FBN1: variants seen among roughly 807,000 people sequenced by gnomAD.
The protein encoded by FBN1 is fibrillin 1.
Under a neutral mutation model 365.1 loss-of-function variants are expected in FBN1, and 29 were observed. That is an observed-to-expected ratio of 0.08 (90% CI 0.06 to 0.11). The LOEUF (loss-of-function observed/expected upper bound fraction) is 0.11. FBN1 is among the 10% of genes least tolerant of loss of function. FBN1 has a pLI of 1.00. For missense variants in FBN1, 2,476 were observed against 3,703.2 expected (o/e 0.67, Z 8.60); for synonymous variants, 1,210 against 1,270.5 (o/e 0.95, Z 1.01).
intron 2 of FBN1, among the ~76,000 whole-genome samples, chr15:48,628,789 T>C (rs773157125): frequency 3.3e-5 from 5 of 152,206 alleles, no homozygotes; most frequent in Admixed American, 1.3e-4. Flanking sequence ...ATCCCCATTC[T>C]GCCACCCTAA....
intron 6 of FBN1, among the ~76,000 whole-genome samples, chr15:48,563,752 C>T (rs890893741): frequency 2.0e-5 from 3 of 152,170 alleles, no homozygotes; most frequent in African/African-American, 4.8e-5. Context: ...TAGAGCTCCA[C>T]GTGTGTGCAC....
At chr15:48,466,212 T>C (rs945718181) in intron 38 of FBN1, among the ~76,000 whole-genome samples, 5 of 152,370 alleles carry the variant, frequency 3.3e-5, no homozygotes, top group African/African-American at 1.2e-4. Context: ...TTTTATGTTC[T>C]GTTCAGCCTA....
intron 6 of FBN1, among the ~76,000 whole-genome samples, chr15:48,553,817 G>A (rs190203723): frequency 2.0e-5 from 3 of 152,184 alleles, no homozygotes; most frequent in Non-Finnish European, 4.4e-5. Context: ...TGCTTCAGTC[G>A]TTTATGTATA....
chr15:48,416,255 A>G (rs2042902883), intron 63 of FBN1, among the ~76,000 whole-genome samples: 1 of 152,202 alleles, frequency 6.6e-6, no homozygotes, highest in African/African-American at 2.4e-5. Flanking sequence ...ATTTTCCCGC[A>G]GGCTGCTTTC....
intron 5 of FBN1, among the ~76,000 whole-genome samples, chr15:48,598,053 G>C (rs1471918685): frequency 6.6e-6 from 1 of 152,184 alleles, no homozygotes; most frequent in Non-Finnish European, 1.5e-5. Flanking sequence ...GTTAGGACTT[G>C]TCTTCCTGCT....
chr15:48,432,360 C>T (rs1273957609), intron 55 of FBN1, among the ~76,000 whole-genome samples: 1 of 152,132 alleles, frequency 6.6e-6, no homozygotes, highest in African/African-American at 2.4e-5. Flanking sequence ...GAGCCTAGTT[C>T]AGTGCTTAGG....
In FBN1 at chr15:48,463,879, T is replaced by C; in HGVS notation, c.5065+20A>G. 1.3e-6 allele frequency: 2 copies of C among 1,598,856 alleles called. No homozygotes were observed. Among genetic ancestry groups the C allele is most frequent in the Non-Finnish European group, 1.7e-6 (2 of 1,171,658 alleles). ...TAGATGAGAACCAAACATGCATTAC[T>C]GAGAAAAGCTTGGACTTACCCATGC... is the stretch of plus-strand genomic sequence containing the variant. On this transcript the variant is annotated intron_variant, in intron 41 of 65. Transcript: ENST00000316623.
At chr15:48,528,839 C>T (rs2043940811) in intron 8 of FBN1, 1 of 152,122 alleles carries the variant, frequency 6.6e-6, no homozygotes, top group South Asian at 2.1e-4. Flanking sequence ...TTCCCCTTTC[C>T]TAAACCACCT....
At chr15:48,574,475 G>A (rs1311072225) in intron 6 of FBN1, among the ~76,000 whole-genome samples, 4 of 151,974 alleles carry the variant, frequency 2.6e-5, no homozygotes. Flanking sequence ...GGTGGCTCTG[G>A]CAAAGGAGTC....
chr15:48,439,255 C>T (rs984613211), intron 50 of FBN1, among the ~76,000 whole-genome samples: 2 of 152,222 alleles, frequency 1.3e-5, no homozygotes, highest in African/African-American at 4.8e-5. Context: ...CCTTTCATGG[C>T]TACCAACTCA....
At chr15:48,626,943 A>G (rs1889895599) in intron 2 of FBN1, among the ~76,000 whole-genome samples, 1 of 152,298 alleles carries the variant, frequency 6.6e-6, no homozygotes, top group African/African-American at 2.4e-5. Context: ...AAGAAAATGT[A>G]TTGGTGTGCT....
intron 6 of FBN1, among the ~76,000 whole-genome samples, chr15:48,542,568 C>T (rs1309887212): frequency 4.6e-5 from 7 of 152,170 alleles, no homozygotes; most frequent in Admixed American, 4.6e-4. Context: ...AGCCTCCTAA[C>T]TGCTGTTACT....
Position 48,503,908 on chromosome 15 carries a change from T to C in FBN1, c.1992A>G (p.Gly664=). Residue 664 remains glycine, a synonymous_variant, in exon 17 of 66, where the codon GGA becomes GGG. Transcript: ENST00000316623. ...DTHMRSTCYG[G]YKRGQCIKPL... ...GTTTGATACACTGGCCTCTCTTGTA[T>C]CCACCATAGCATGTGCTCCGCATGT... The C allele has an allele frequency of 1.2e-6, 2 of 1,614,206 alleles. No individual in the cohort carries two copies. The highest frequency in any genetic ancestry group is 1.7e-4 in the Middle Eastern group (1 of 6,044).
chr15:48,422,708 C>T (rs1346042549), intron 60 of FBN1, among the ~76,000 whole-genome samples: 1 of 152,206 alleles, frequency 6.6e-6, no homozygotes, highest in Non-Finnish European at 1.5e-5. Context: ...CCTGTATTCC[C>T]AGCACTTTGG....
At chr15:48,549,186 A>G (rs1302107216) in intron 6 of FBN1, among the ~76,000 whole-genome samples, 6 of 152,214 alleles carry the variant, frequency 3.9e-5, no homozygotes, top group East Asian at 1.9e-4. Context: ...GAAGACCACA[A>G]TTGGGACTTG....
At position 48,432,837 on chromosome 15, in the gene FBN1, C is replaced by T. The variant is rs764426606; in HGVS notation, c.6739+29G>A. 6 of 1,612,808 alleles carry T rather than the reference C, an allele frequency of 3.7e-6. No homozygotes were observed. In the African/African-American group the frequency reaches 8.0e-5, roughly 22 times the overall value. On this transcript the variant is annotated intron_variant, in intron 55 of 65. Transcript: ENST00000316623. ...TCCCCTCACAGATAAAGCTTCCTGGCTTAGATGACCTTGAACACGATGACT... is the reference window on the plus strand; with the variant it reads ...TCCCCTCACAGATAAAGCTTCCTGGTTTAGATGACCTTGAACACGATGACT...
intron 6 of FBN1, among the ~76,000 whole-genome samples, chr15:48,554,964 A>C (rs1433827755): frequency 6.6e-6 from 1 of 152,248 alleles, no homozygotes; most frequent in African/African-American, 2.4e-5. Flanking sequence ...TTTTCAATAG[A>C]AAAAACCTTT....
Position 48,415,724 on chromosome 15 carries a change from G to A in FBN1, c.7863C>T (p.Ser2621=), listed in dbSNP as rs1342441428. 6.2e-7 allele frequency: 1 copy of A among 1,614,220 alleles called. No individual in the cohort carries two copies. Among genetic ancestry groups the A allele is most frequent in the East Asian group, 2.2e-5 (1 of 44,888 alleles). Reference sequence around the variant, plus strand: ...TGTAGCTCCCCAGGGTGTTGTGACAGGAGGCTCCTCCGCAGATGTGAGCGC... The same window carrying A: ...TGTAGCTCCCCAGGGTGTTGTGACAAGAGGCTCCTCCGCAGATGTGAGCGC... The part of the protein sequence containing the change: ...CLSAHICGGA[S]CHNTLGSYKC... Residue 2621 remains serine (S), a synonymous_variant, in exon 64 of 66, where the codon TCC becomes TCT. Transcript: ENST00000316623.
chr15:48,421,740 G>A, intron 61 of FBN1, 54 bp from the exon 62 acceptor site: 2 of 1,590,608 alleles, frequency 1.3e-6, no homozygotes, highest in East Asian at 2.3e-5. Context: ...AGCTCTCTTT[G>A]TATCATTTAA....
Sources: gnomAD v4.1 joint callset for allele counts (sites outside exome capture counted in the v4.1 genomes callset) on GRCh38, gnomAD v4.1.1 for gene constraint, MANE v1.5 for transcripts, NCBI Gene and HGNC (gene_info 2026-07-23, HGNC 2026-07-21) for gene names.